PIM3: variants seen among roughly 807,000 people sequenced by gnomAD.
PIM3 encodes the protein serine/threonine-protein kinase pim-3.
PIM3 carries 13 observed loss-of-function variants against 27.5 expected under a neutral mutation model. That is an observed-to-expected ratio of 0.47 (90% CI 0.31 to 0.75). The LOEUF (loss-of-function observed/expected upper bound fraction) is 0.75. Among genes scored for constraint, PIM3 ranks in the 30% least tolerant of loss-of-function variants. PIM3 has a pLI of 0.05. For synonymous variants in PIM3, 341 were observed against 221.1 expected, an observed-to-expected ratio of 1.54 and a Z score of -4.81; for missense variants, 482 against 476.9, an observed-to-expected ratio of 1.01 and a Z score of -0.10.
Position 49,961,644 on chromosome 22 carries a change from T to G in PIM3, c.449T>G (p.Phe150Cys). The G allele has an allele frequency of 1.3e-6, 2 of 1,568,488 alleles. No homozygotes were observed. Among genetic ancestry groups the G allele is most frequent in the Non-Finnish European group, 1.7e-6 (2 of 1,157,652 alleles). ...GALDEPLARR[F>C]FAQVLAAVRH... The stretch of plus-strand genomic sequence containing the variant: ...CTGGACGAGCCGCTGGCGCGCCGCT[T>G]CTTCGCGCAGGTGCTGGCCGCCGTG... Residue 150 changes from phenylalanine (F) to cysteine (C), a missense_variant, in exon 4 of 6, where the codon TTC becomes TGC. Physicochemically the swap from Phe to Cys is radical, Grantham distance 205. Transcript: ENST00000360612.
chr22:49,960,989 G>T lies in PIM3; in HGVS notation c.42G>T (p.Gly14=), dbSNP rs748093874. The T allele has an allele frequency of 7.2e-7, 1 of 1,395,708 alleles. No individual in the cohort carries two copies. 86.5% of individuals were successfully genotyped at this position (1,395,708 alleles called of 1,614,324 possible). ...SKFGSLAHLC[G]PGGVDHLPVK... is the part of the protein sequence containing the mutation. ...TCGGCTCCCTGGCGCACCTCTGCGG[G>T]CCCGGCGGCGTGGACCACCTCCCGG... Residue 14 remains glycine (G), a synonymous_variant, in exon 1 of 6, where the codon GGG becomes GGT. Transcript: ENST00000360612.
In PIM3 at chr22:49,961,935, G is replaced by GGGGAGCAGA. The variant is rs1167433805; in HGVS notation, c.616+127_616+135dup. The GGGGAGCAGA allele has an allele frequency of 7.3e-6, 10 of 1,372,438 alleles. No homozygotes were observed. In the African/African-American group the frequency reaches 1.5e-4, roughly 20 times the overall value. The allele number at this position is 1,372,438 out of a possible 1,614,324, so 85.0% of individuals were successfully genotyped here. ...CCGCGCGCCCTGGGTCTGCTCTCGTGGGGAGCAGAGGCCCACGCGCTACCC... is the reference window on the plus strand; with the variant it reads ...CCGCGCGCCCTGGGTCTGCTCTCGTGGGGAGCAGAGGGAGCAGAGGCCCACGCGCTACCC... On this transcript the variant is annotated intron_variant, in intron 4 of 5. Coordinates refer to ENST00000360612, the MANE Select transcript of PIM3 (RefSeq NM_001001852.4).
At position 49,961,578 on chromosome 22, in the gene PIM3, C is replaced by A. The variant is rs747229572; in HGVS notation, c.383C>A (p.Pro128Gln). 3 of 1,547,294 alleles carry A rather than the reference C, an allele frequency of 1.9e-6. No homozygotes were observed. The highest frequency in any genetic ancestry group is 1.2e-5 in the South Asian group (1 of 84,076). Residue 128 changes from proline to glutamine, a missense_variant, in exon 4 of 6, where the codon CCG becomes CAG. Physicochemically the swap from Pro to Gln is moderately conservative, Grantham distance 76. Transcript: ENST00000360612. ...GFLLVLERPE[P>Q]AQDLFDFITE... ...CTGCTGGTGCTGGAGCGGCCCGAGC[C>A]GGCGCAGGACCTCTTCGACTTTATC...
At position 49,961,916 on chromosome 22, in the gene PIM3, G is replaced by A. The variant is rs1180832070; in HGVS notation, c.616+105G>A. 3.3e-6 allele frequency: 5 copies of A among 1,498,412 alleles called. No individual in the cohort carries two copies. In the African/African-American group the frequency reaches 7.0e-5, roughly 21 times the overall value. 92.8% of individuals were successfully genotyped at this position (1,498,412 alleles called of 1,614,324 possible). ...GCTGATGACTGTTGGGCGGCCGCGC[G>A]CCCTGGGTCTGCTCTCGTGGGGAGC... is the stretch of plus-strand genomic sequence containing the variant. On this transcript the variant is annotated intron_variant, in intron 4 of 5. Transcript: ENST00000360612.
At position 49,961,453 on chromosome 22, in the gene PIM3, C is replaced by T. The variant is rs767097151; in HGVS notation, c.258C>T (p.Thr86=). 1.4e-6 allele frequency: 2 copies of T among 1,440,422 alleles called. No homozygotes were observed. Among genetic ancestry groups the T allele is most frequent in the Non-Finnish European group, 1.8e-6 (2 of 1,102,574 alleles). The allele number at this position is 1,440,422 out of a possible 1,614,324, so 89.2% of individuals were successfully genotyped here. Residue 86 remains threonine, a synonymous_variant, in exon 4 of 6, where the codon ACC becomes ACT. Coordinates refer to ENST00000360612, the MANE Select transcript of PIM3 (RefSeq NM_001001852.4). ...GCCGTGTCCCCCAGGGCGGCGCGAC[C>T]GTGCCCCTGGAGGTGGTGCTGCTGC... ...VTEWGSLGGA[T]VPLEVVLLRK...
intron 4 of PIM3, 69 bp downstream of exon 4, chr22:49,961,880 C>T (rs1463879768): frequency 1.6e-5 from 26 of 1,579,850 alleles, no homozygotes; most frequent in East Asian, 2.3e-5. Flanking sequence ...GCAGGGGCGG[C>T]ACATGGAGGG....
At position 49,961,225 on chromosome 22, in the gene PIM3, C is replaced by T. The variant is rs370974207; in HGVS notation, c.186C>T (p.Asp62=). 57 of 1,533,314 alleles carry T rather than the reference C, an allele frequency of 3.7e-5. No individual in the cohort carries two copies. The African/African-American group carries it at 5.7e-4, about 15-fold the overall frequency. The allele number at this position is 1,533,314 out of a possible 1,614,324, so 95.0% of individuals were successfully genotyped here. A position where few individuals can be genotyped will look rare whatever the true frequency, so the allele number is the denominator to read the frequency against. Residue 62 remains aspartate (D), a synonymous_variant, in exon 2 of 6, where the codon GAC becomes GAT. Transcript: ENST00000360612. ...GTVYAGSRIA[D]GLPVAVKHVV... is the part of the protein sequence containing the mutation. Reference sequence around the variant, plus strand: ...TCTACGCGGGTAGCCGCATCGCCGACGGGCTCCCGGTGAGTCGGACCGCCG... The same window carrying T: ...TCTACGCGGGTAGCCGCATCGCCGATGGGCTCCCGGTGAGTCGGACCGCCG...
intron 2 of PIM3, 37 bp downstream of exon 2, chr22:49,961,271 G>A: frequency 1.3e-6 from 2 of 1,538,148 alleles, no homozygotes; most frequent in Non-Finnish European, 1.7e-6. Flanking sequence ...GGTTTCTCGC[G>A]CGCCTTGCGC....
chr22:49,963,498 G>T lies in PIM3; in HGVS notation c.*371G>T. Reference sequence around the variant, plus strand: ...CCCTCAGTCCTGCGGTGTGCGTCTGGGCACGTCCTGCACACACAATGCAAG... The same window carrying T: ...CCCTCAGTCCTGCGGTGTGCGTCTGTGCACGTCCTGCACACACAATGCAAG... On this transcript the variant is annotated 3_prime_UTR_variant, in exon 6 of 6. Coordinates refer to ENST00000360612, the MANE Select transcript of PIM3 (RefSeq NM_001001852.4). The T allele has an allele frequency of 5.1e-6, 1 of 196,692 alleles. No individual in the cohort carries two copies. The highest frequency in any genetic ancestry group is 1.0e-5 in the Non-Finnish European group (1 of 95,644). The allele number at this position is 196,692 out of a possible 1,614,324, so 12.2% of individuals were successfully genotyped here.
At position 49,962,801 on chromosome 22, in the gene PIM3, C is replaced by T. The variant is rs567243898; in HGVS notation, c.729C>T (p.Ile243=). 1.0e-4 allele frequency: 167 copies of T among 1,612,546 alleles called. 1 individual carries two copies. In the East Asian group the frequency reaches 1.2e-3, roughly 11 times the overall value. ...VLLYDMVCGD[I]PFEQDEEILR... Reference sequence around the variant, plus strand: ...TCTACGATATGGTGTGTGGGGACATCCCCTTCGAGCAGGACGAGGAGATCC... The same window carrying T: ...TCTACGATATGGTGTGTGGGGACATTCCCTTCGAGCAGGACGAGGAGATCC... Residue 243 remains isoleucine, a synonymous_variant, in exon 5 of 6, where the codon ATC becomes ATT. Coordinates refer to ENST00000360612, the MANE Select transcript of PIM3 (RefSeq NM_001001852.4).
In PIM3 at chr22:49,961,482, A is replaced by T; in HGVS notation, c.287A>T (p.Lys96Met). ...CCCCTGGAGGTGGTGCTGCTGCGCAAGGTGGGCGCGGCGGGCGGCGCGCGC... is the reference window on the plus strand; with the variant it reads ...CCCCTGGAGGTGGTGCTGCTGCGCATGGTGGGCGCGGCGGGCGGCGCGCGC... ...TVPLEVVLLR[K>M]VGAAGGARGV... is the part of the protein sequence containing the mutation. Residue 96 changes from lysine to methionine, a missense_variant, in exon 4 of 6, where the codon AAG (lysine) becomes ATG (methionine). By Grantham distance (95) the Lys-to-Met change is moderately conservative. Coordinates refer to ENST00000360612, the MANE Select transcript of PIM3 (RefSeq NM_001001852.4). The T allele has an allele frequency of 2.0e-6, 3 of 1,491,404 alleles. No homozygotes were observed. Among genetic ancestry groups the T allele is most frequent in the South Asian group, 1.3e-5 (1 of 76,694 alleles). The allele number at this position is 1,491,404 out of a possible 1,614,324, so 92.4% of individuals were successfully genotyped here. A position where few individuals can be genotyped will look rare whatever the true frequency, so the allele number is the denominator to read the frequency against.
At position 49,963,767 on chromosome 22, in the gene PIM3, C is replaced by CTGG. The variant is rs2060922280; in HGVS notation, c.*640_*641insTGG. 1 of 152,376 alleles carries CTGG rather than the reference C, an allele frequency of 6.6e-6. No individual in the cohort carries two copies. Among genetic ancestry groups the CTGG allele is most frequent in the Non-Finnish European group, 1.5e-5 (1 of 68,062 alleles). The allele number at this position is 152,376 out of a possible 1,614,324, so 9.4% of individuals were successfully genotyped here. On this transcript the variant is annotated 3_prime_UTR_variant, in exon 6 of 6. Coordinates refer to ENST00000360612, the MANE Select transcript of PIM3 (RefSeq NM_001001852.4). ...CTGATTCCTGTGCCTGGCGTCTGTC[C>CTGG]CGGCCCCGCCTGTCAGAAGATGAAC...
In PIM3 at chr22:49,961,516, C is replaced by A; in HGVS notation, c.321C>A (p.Ile107=). The A allele has an allele frequency of 6.6e-7, 1 of 1,509,406 alleles. No individual in the cohort carries two copies. The highest frequency in any genetic ancestry group is 1.3e-5 in the South Asian group (1 of 79,706). 93.5% of individuals were successfully genotyped at this position (1,509,406 alleles called of 1,614,324 possible). A position where few individuals can be genotyped will look rare whatever the true frequency, so the allele number is the denominator to read the frequency against. The part of the protein sequence containing the change: ...VGAAGGARGV[I]RLLDWFERPD... ...CGGCGGGCGGCGCGCGCGGCGTCAT[C>A]CGCCTGCTGGACTGGTTCGAGCGGC... is the stretch of plus-strand genomic sequence containing the variant. Residue 107 remains isoleucine, a synonymous_variant, in exon 4 of 6, where the codon ATC becomes ATA. Coordinates refer to ENST00000360612, the MANE Select transcript of PIM3 (RefSeq NM_001001852.4).
At chr22:49,961,874 G>A in intron 4 of PIM3, 63 bp downstream of exon 4, 1 of 1,588,236 alleles carries the variant, frequency 6.3e-7, no homozygotes, top group Non-Finnish European at 8.6e-7. Context: ...ACGCCTGCAG[G>A]GGCGGCACAT....
At chr22:49,962,562 G>A (rs1281265815) in intron 4 of PIM3, 127 bp from the exon 5 acceptor site, 11 of 1,101,040 alleles carry the variant, frequency 1.0e-5, no homozygotes, top group Non-Finnish European at 1.3e-5. Context: ...GGGTGATGAC[G>A]AGCAGGATTT....
In PIM3 at chr22:49,963,145, G is replaced by A. The variant is rs1225747057; in HGVS notation, c.*18G>A. Reference sequence around the variant, plus strand: ...GCTTGTGAGGAGCTGCACCTGACTGGGAGCTAGGGGACCACCTGCCTTGGC... The same window carrying A: ...GCTTGTGAGGAGCTGCACCTGACTGAGAGCTAGGGGACCACCTGCCTTGGC... On this transcript the variant is annotated 3_prime_UTR_variant, in exon 6 of 6. Transcript: ENST00000360612. 3 of 1,559,772 alleles carry A rather than the reference G, an allele frequency of 1.9e-6. No homozygotes were observed. The highest frequency in any genetic ancestry group is 4.7e-5 in the East Asian group (2 of 42,346).
At chr22:49,961,076 G>C in intron 1 of PIM3, 44 bp downstream of exon 1, 5 of 1,376,458 alleles carry the variant, frequency 3.6e-6, no homozygotes, top group Non-Finnish European at 4.7e-6. Flanking sequence ...CCAGGGCGGG[G>C]ACCGGGGGCG....
chr22:49,963,138 C>G lies in PIM3; in HGVS notation c.*11C>G. On this transcript the variant is annotated 3_prime_UTR_variant, in exon 6 of 6. Coordinates refer to ENST00000360612, the MANE Select transcript of PIM3 (RefSeq NM_001001852.4). The stretch of plus-strand genomic sequence containing the variant: ...AGCGAGAGCTTGTGAGGAGCTGCAC[C>G]TGACTGGGAGCTAGGGGACCACCTG... 8.2e-6 allele frequency: 13 copies of G among 1,577,838 alleles called. No homozygotes were observed. Among genetic ancestry groups the G allele is most frequent in the Non-Finnish European group, 1.1e-5 (13 of 1,160,564 alleles).
intron 4 of PIM3, among the ~76,000 whole-genome samples, 179 bp from the exon 5 acceptor site, chr22:49,962,510 G>T (rs1032214499): frequency 6.6e-6 from 1 of 151,836 alleles, no homozygotes; most frequent in African/African-American, 2.4e-5. Context: ...GGGACGGCCG[G>T]CCCCTCCCCC....
Sources: gnomAD v4.1 joint callset for allele counts (sites outside exome capture counted in the v4.1 genomes callset) on GRCh38, gnomAD v4.1.1 for gene constraint, MANE v1.5 for transcripts, NCBI Gene and HGNC (gene_info 2026-07-23, HGNC 2026-07-21) for gene names.